The following KMT2E variants were observed in gnomAD, a reference collection of about 807,000 sequenced individuals.
KMT2E encodes the protein histone reader KMT2E.
KMT2E carries 30 observed loss-of-function variants against 184.6 expected under a neutral mutation model. The observed-to-expected ratio is 0.16, with a 90% CI of 0.12 to 0.22. The LOEUF is 0.22. Ranked by LOEUF, KMT2E falls within the 10% of genes least tolerant of loss-of-function variation. The probability of loss-of-function intolerance (pLI) is 1.00; values close to 1 mark genes in which losing one functional copy is unlikely to be tolerated. For synonymous variants in KMT2E, 815 were observed against 776.5 expected, an observed-to-expected ratio of 1.05 and a Z score of -0.82; for missense variants, 2,023 against 2,237.4, an observed-to-expected ratio of 0.90 and a Z score of 1.93.
Position 105,101,962 on chromosome 7 carries a change from C to T in KMT2E, c.1964C>T (p.Ser655Phe), listed in dbSNP as rs930016165. 10 of 1,613,764 alleles carry T rather than the reference C, an allele frequency of 6.2e-6. No individual in the cohort carries two copies. Among genetic ancestry groups the T allele is most frequent in the Non-Finnish European group, 8.5e-6 (10 of 1,179,870 alleles). ...AGAACTAAACAGAGAAAAAGTTTTT[C>T]TCGGAGTAGGACTCACATTGGACAG... ...VNRTKQRKSF[S>F]RSRTHIGQQR... The change falls in exon 17 of 27, where the codon TCT becomes TTT. Residue 655 changes from serine (S) to phenylalanine (F), a missense_variant. Ser to Phe is a radical substitution (Grantham distance 155, BLOSUM62 -2). Around this residue, in one of 8 missense-constraint regions of KMT2E, gnomAD observed 514 missense variants for 621.8 expected, o/e 0.83. Transcript: ENST00000311117.
intron 13 of KMT2E, among the ~76,000 whole-genome samples, chr7:105,087,826 T>C (rs1798046931): frequency 6.7e-6 from 1 of 150,226 alleles, no homozygotes; most frequent in South Asian, 2.1e-4. Context: ...TTTCTTGCTT[T>C]TTTTTTTTTT....
intron 8 of KMT2E, 112 bp downstream of exon 8, chr7:105,074,927 C>A: frequency 1.4e-6 from 1 of 725,828 alleles, no homozygotes; most frequent in Non-Finnish European, 2.1e-6. Flanking sequence ...AAGGATCTAG[C>A]AGAAGTTTTT....
At chr7:105,080,054 C>T (rs1432264309) in intron 12 of KMT2E, among the ~76,000 whole-genome samples, 1 of 151,952 alleles carries the variant, frequency 6.6e-6, no homozygotes, top group African/African-American at 2.4e-5. Flanking sequence ...CCTATGTTGT[C>T]CAGACTGGTC....
Position 105,099,149 on chromosome 7 carries a change from C to G in KMT2E, c.1723-2276C>G, listed in dbSNP as rs539745329. 7.9e-5 allele frequency among the ~76,000 whole-genome samples: 12 copies of G among 152,212 alleles called. No homozygotes were observed. In the South Asian group the frequency reaches 2.5e-3, roughly 32 times the overall value. Reference sequence around the variant, plus strand: ...GTAGAAAATCAGGCACGTTTATGTTCCAAAATATTTGTGTATTTTAAGATA... The same window carrying G: ...GTAGAAAATCAGGCACGTTTATGTTGCAAAATATTTGTGTATTTTAAGATA... On this transcript the variant is annotated intron_variant, in intron 15 of 26. Transcript: ENST00000311117.
intron 1 of KMT2E, among the ~76,000 whole-genome samples, chr7:105,029,454 G>A (rs541214163): frequency 6.6e-6 from 1 of 152,180 alleles, no homozygotes; most frequent in African/African-American, 2.4e-5. Context: ...GGAGGGAAAT[G>A]CTTAAACAAT....
At chr7:105,043,239 CTTT>C (rs756242064) in intron 3 of KMT2E, among the ~76,000 whole-genome samples, 4 of 140,238 alleles carry the variant, frequency 2.9e-5, no homozygotes, top group Non-Finnish European at 4.7e-5. Flanking sequence ...TTCTTTTTTT[CTTT>C]TTTTTTTTTT....
At chr7:105,039,554 G>C (rs1269071027) in intron 2 of KMT2E, among the ~76,000 whole-genome samples, 1 of 152,056 alleles carries the variant, frequency 6.6e-6, no homozygotes, top group Non-Finnish European at 1.5e-5. Flanking sequence ...ATCTATTTAG[G>C]TTAATTCCTG....
At chr7:105,058,470 C>T (rs1796662992) in intron 3 of KMT2E, among the ~76,000 whole-genome samples, 1 of 152,102 alleles carries the variant, frequency 6.6e-6, no homozygotes, top group Non-Finnish European at 1.5e-5. Context: ...AGTTATTTTT[C>T]TAATTTATTT....
chr7:105,086,118 C>G (rs367914808), intron 13 of KMT2E, among the ~76,000 whole-genome samples: 2 of 152,088 alleles, frequency 1.3e-5, no homozygotes, highest in South Asian at 2.1e-4. Context: ...TGAGATTAAC[C>G]TGCATTGTGT....
At chr7:105,110,897 C>T (rs1278562227) in intron 26 of KMT2E, 29 bp downstream of exon 26, 2 of 1,500,878 alleles carry the variant, frequency 1.3e-6, no homozygotes, top group African/African-American at 2.8e-5. Flanking sequence ...CGATGGGTTC[C>T]AAAGGACTTT....
intron 15 of KMT2E, among the ~76,000 whole-genome samples, chr7:105,093,590 A>G (rs1442185119): frequency 6.6e-6 from 1 of 152,158 alleles, no homozygotes; most frequent in Non-Finnish European, 1.5e-5. Flanking sequence ...AGGCTGAGGC[A>G]GGAGAATCAC....
intron 6 of KMT2E, among the ~76,000 whole-genome samples, chr7:105,067,855 C>T (rs1797100162): frequency 6.6e-6 from 1 of 152,042 alleles, no homozygotes; most frequent in South Asian, 2.1e-4. Flanking sequence ...ATCTGTAGTC[C>T]TAGCTGCTTG....
intron 22 of KMT2E, 123 bp from the exon 23 acceptor site, chr7:105,108,819 A>C (rs1562933234): frequency 1.1e-5 from 9 of 793,944 alleles, no homozygotes; most frequent in African/African-American, 1.7e-5. Context: ...TTTGTTCAGA[A>C]TCAATTAAAA....
At chr7:105,064,170 T>G (rs1288407292) in intron 5 of KMT2E, 2 of 244,984 alleles carry the variant, frequency 8.2e-6, no homozygotes, top group African/African-American at 2.7e-5. Flanking sequence ...CTTGGTTTTT[T>G]TTTTTTTTTT....
chr7:105,104,356 C>G (rs754589394), intron 17 of KMT2E: 1 of 151,980 alleles, frequency 6.6e-6, no homozygotes, highest in Non-Finnish European at 1.5e-5. Flanking sequence ...ATTCCAAACC[C>G]CTTATATCAG....
intron 1 of KMT2E, among the ~76,000 whole-genome samples, chr7:105,022,119 C>T (rs962732393): frequency 2.6e-5 from 4 of 152,098 alleles, no homozygotes; most frequent in Admixed American, 1.3e-4. Context: ...CCTAAGAACA[C>T]GCATGTTTTC....
chr7:105,019,346 G>A (rs890829544), intron 1 of KMT2E, among the ~76,000 whole-genome samples: 9 of 151,996 alleles, frequency 5.9e-5, no homozygotes, highest in African/African-American at 2.2e-4. Flanking sequence ...CTCATAATTG[G>A]ATTTTATTTT....
At position 105,090,198 on chromosome 7, in the gene KMT2E, G is replaced by C. The variant is rs1284526685; in HGVS notation, c.1548G>C (p.Thr516=). ...ATATTACTTTGGATTGTGAAGGAAC[G>C]ACCAACAAAATGAAGAGCCCAGAAA... ...NQNITLDCEG[T]TNKMKSPETK... is the part of the protein sequence containing the mutation. Residue 516 remains threonine (T), a synonymous_variant, in exon 14 of 27, where the codon ACG becomes ACC. Coordinates refer to ENST00000311117, the MANE Select transcript of KMT2E (RefSeq NM_182931.3). 6 of 1,610,362 alleles carry C rather than the reference G, an allele frequency of 3.7e-6. No individual in the cohort carries two copies. The Admixed American group carries it at 5.1e-5, about 14-fold the overall frequency.
chr7:105,071,649 G>A (rs1298647517), intron 6 of KMT2E, among the ~76,000 whole-genome samples: 1 of 114,264 alleles, frequency 8.8e-6, no homozygotes, highest in Non-Finnish European at 1.7e-5. Context: ...GTAGAGAACA[G>A]GGTTTCACCA....
Sources: gnomAD v4.1 joint callset for allele counts (sites outside exome capture counted in the v4.1 genomes callset) on GRCh38, gnomAD v4.1.1 for gene constraint, gnomAD v4.1.1 regional missense constraint, MANE v1.5 for transcripts, NCBI Gene and HGNC (gene_info 2026-07-23, HGNC 2026-07-21) for gene names.